The following DLL3 variants were observed in gnomAD, a reference collection of about 807,000 sequenced individuals.
The protein encoded by DLL3 is delta like canonical Notch ligand 3.
Under a neutral mutation model 55.0 loss-of-function variants are expected in DLL3, and 49 were observed. That is an observed-to-expected ratio of 0.89 (90% CI 0.71 to 1.13). The LOEUF is 1.13. Ranked by LOEUF, DLL3 falls within the 50% of genes most tolerant of loss-of-function variation. The pLI, the probability that DLL3 is intolerant of heterozygous loss-of-function variation, is 0.00. For missense variants in DLL3, 962 were observed against 875.5 expected (o/e 1.10, Z -1.25); for synonymous variants, 421 against 385.2 (o/e 1.09, Z -1.09).
chr19:39,499,224 C>T lies in DLL3; in HGVS notation c.102C>T (p.Ile34=). The T allele has an allele frequency of 6.4e-7, 1 of 1,558,834 alleles. No individual in the cohort carries two copies. The highest frequency in any genetic ancestry group is 8.6e-7 in the Non-Finnish European group (1 of 1,157,382). The change falls in exon 2 of 9, where the codon ATC becomes ATT. Residue 34 remains isoleucine, a synonymous_variant. Transcript: ENST00000356433. ...TRPAGVFELQ[I]HSFGPGPGPG... ...CCGCTGGCGTCTTCGAGCTGCAGATCCACTCTTTCGGGCCGGGTCCAGGCC... is the reference window on the plus strand; with the variant it reads ...CCGCTGGCGTCTTCGAGCTGCAGATTCACTCTTTCGGGCCGGGTCCAGGCC...
In DLL3 at chr19:39,499,247, G is replaced by T; in HGVS notation, c.125G>T (p.Gly42Val). 2 of 1,546,098 alleles carry T rather than the reference G, an allele frequency of 1.3e-6. No homozygotes were observed. Among genetic ancestry groups the T allele is most frequent in the Non-Finnish European group, 1.7e-6 (2 of 1,150,556 alleles). ...LQIHSFGPGP[G>V]PGAPRSPCSA... ...ATCCACTCTTTCGGGCCGGGTCCAG[G>T]CCCTGGGGCCCCGCGGTCCCCCTGC... The change falls in exon 2 of 9, where the codon GGC becomes GTC. Residue 42 changes from glycine (G) to valine (V), a missense_variant. Gly to Val is a moderately radical substitution (Grantham distance 109). Transcript: ENST00000356433.
intron 5 of DLL3, 92 bp from the exon 6 acceptor site, chr19:39,505,137 C>A: frequency 7.4e-7 from 1 of 1,353,028 alleles, no homozygotes; most frequent in Non-Finnish European, 1.0e-6. Flanking sequence ...TGAGACTGGA[C>A]AAGGAGCAGC....
chr19:39,501,463 G>A (rs1008778667), intron 3 of DLL3, among the ~76,000 whole-genome samples: 8 of 151,520 alleles, frequency 5.3e-5, no homozygotes, highest in Non-Finnish European at 8.8e-5. Context: ...GGCCCACAGC[G>A]GGGGTTTTGT....
At position 39,502,999 on chromosome 19, in the gene DLL3, G is replaced by A. The variant is rs756151698; in HGVS notation, c.594G>A (p.Ser198=). 53 of 1,483,882 alleles carry A rather than the reference G, an allele frequency of 3.6e-5. No individual in the cohort carries two copies. The highest frequency in any genetic ancestry group is 4.5e-5 in the Non-Finnish European group (51 of 1,125,186). 91.9% of individuals were successfully genotyped at this position (1,483,882 alleles called of 1,614,324 possible). The change falls in exon 4 of 9, where the codon TCG becomes TCA. Residue 198 remains serine, a synonymous_variant. Transcript: ENST00000356433. The part of the protein sequence containing the change: ...TRLCRPRSAP[S]RCGPGLRPCA... Reference sequence around the variant, plus strand: ...TCTGCCGTCCGCGCAGCGCCCCCTCGCGGTGCGGTCCGGGACTGCGCCCCT... The same window carrying A: ...TCTGCCGTCCGCGCAGCGCCCCCTCACGGTGCGGTCCGGGACTGCGCCCCT...
At chr19:39,502,333 G>A (rs1455470396) in intron 3 of DLL3, among the ~76,000 whole-genome samples, 1 of 151,558 alleles carries the variant, frequency 6.6e-6, no homozygotes, top group Non-Finnish European at 1.5e-5. Context: ...GGCCGATCTC[G>A]GCTCACTGCA....
chr19:39,506,211 CAAAAAAAAAA>C (rs541216671), intron 6 of DLL3, among the ~76,000 whole-genome samples: 23 of 54,528 alleles, frequency 4.2e-4, no homozygotes, highest in African/African-American at 1.5e-3. Flanking sequence ...CACTCTGTCT[CAAAAAAAAAA>C]AAAAAAAAAA....
intron 5 of DLL3, among the ~76,000 whole-genome samples, 192 bp downstream of exon 5, chr19:39,504,480 G>A (rs2079629433): frequency 6.6e-6 from 1 of 152,182 alleles, no homozygotes; most frequent in Admixed American, 6.5e-5. Flanking sequence ...TGGGACTGGG[G>A]AGAGCAGGCT....
intron 7 of DLL3, 68 bp downstream of exon 7, chr19:39,507,686 T>C: frequency 6.3e-7 from 1 of 1,587,216 alleles, no homozygotes; most frequent in Non-Finnish European, 8.6e-7. Flanking sequence ...CGTGGTGCAG[T>C]TGGCCCGATT....
rs1320256453 is a variant in DLL3 at position 39,505,339 on chromosome 19, T to G, written c.981T>G (p.Cys327Trp). 6.2e-7 allele frequency: 1 copy of G among 1,614,196 alleles called. No individual in the cohort carries two copies. Among genetic ancestry groups the G allele is most frequent in the Non-Finnish European group, 8.5e-7 (1 of 1,180,022 alleles). ...ADGPCFNGGL[C>W]VGGADPDSAY... Reference sequence around the variant, plus strand: ...GACCCTGCTTCAACGGCGGCTTGTGTGTCGGGGGTGCAGACCCTGACTCTG... The same window carrying G: ...GACCCTGCTTCAACGGCGGCTTGTGGGTCGGGGGTGCAGACCCTGACTCTG... Residue 327 changes from cysteine (C) to tryptophan (W), a missense_variant, in exon 6 of 9, where the codon TGT (cysteine) becomes TGG (tryptophan). Cys to Trp is a radical substitution (Grantham distance 215, BLOSUM62 -2). Transcript: ENST00000356433.
intron 6 of DLL3, 83 bp from the exon 7 acceptor site, chr19:39,506,953 TGCA>T (rs1258520742): frequency 2.1e-5 from 29 of 1,396,828 alleles, no homozygotes; most frequent in Non-Finnish European, 2.6e-5. Flanking sequence ...GGGGACCCCG[TGCA>T]GCGATGACAG....
At chr19:39,504,844 A>T (rs971650017) in intron 5 of DLL3, among the ~76,000 whole-genome samples, 1 of 151,860 alleles carries the variant, frequency 6.6e-6, no homozygotes, top group Non-Finnish European at 1.5e-5. Flanking sequence ...GGGTTCAAAT[A>T]CTTAGGGAGA....
At chr19:39,508,019 G>A (rs2079655558) in intron 8 of DLL3, 105 bp downstream of exon 8, 2 of 1,611,654 alleles carry the variant, frequency 1.2e-6, no homozygotes, top group South Asian at 2.2e-5. Context: ...AATGAATTGG[G>A]TAGAGTCTCT....
chr19:39,507,312 C>T lies in DLL3; in HGVS notation c.1367C>T (p.Ala456Val), dbSNP rs774627246. Residue 456 changes from alanine to valine, a missense_variant, in exon 7 of 9, where the codon GCT (alanine) becomes GTT (valine). Physicochemically the swap from Ala to Val is moderately conservative, Grantham distance 64. Transcript: ENST00000356433. ...AHFSGLVCAC[A>V]PGYMGARCEF... The stretch of plus-strand genomic sequence containing the variant: ...TTCTCCGGCCTCGTCTGCGCTTGCG[C>T]TCCCGGCTACATGGGAGCGCGGTGT... 1.9e-5 allele frequency: 29 copies of T among 1,560,836 alleles called. No homozygotes were observed. The African/African-American group carries it at 3.9e-4, about 21-fold the overall frequency.
intron 4 of DLL3, among the ~76,000 whole-genome samples, chr19:39,503,860 G>A (rs2079624623): frequency 6.6e-6 from 1 of 152,114 alleles, no homozygotes; most frequent in African/African-American, 2.4e-5. Context: ...TTCCTAGGTG[G>A]GCTGGTCACC....
Position 39,505,404 on chromosome 19 carries a change from A to G in DLL3, c.1046A>G (p.Asn349Ser). 1 of 1,614,064 alleles carries G rather than the reference A, an allele frequency of 6.2e-7. No homozygotes were observed. Among genetic ancestry groups the G allele is most frequent in the East Asian group, 2.2e-5 (1 of 44,878 alleles). Residue 349 changes from asparagine (N) to serine (S), a missense_variant, in exon 6 of 9, where the codon AAC (asparagine) becomes AGC (serine). By Grantham distance (46) the Asn-to-Ser change is conservative. Transcript: ENST00000356433. ...TGCCCACCCGGTTTCCAAGGCTCCA[A>G]CTGTGAGAAGAGGGTGGACCGGTGC... ...CHCPPGFQGS[N>S]CEKRVDRCSL...
chr19:39,499,471 C>T lies in DLL3; in HGVS notation c.349C>T (p.Pro117Ser). Residue 117 changes from proline (P) to serine (S), a missense_variant and splice_region_variant, in exon 2 of 9, where the codon CCT (proline) becomes TCT (serine). By Grantham distance (74) the Pro-to-Ser change is moderately conservative. Transcript: ENST00000356433. ...GCAGGTGCCCTTCCGGGACGCCTGG[C>T]CTGTAAGTGCTGCCCCCGGGGGACT... ...LLQVPFRDAW[P>S]GTFSFIIETW... 2 of 1,587,978 alleles carry T rather than the reference C, an allele frequency of 1.3e-6. No homozygotes were observed. Among genetic ancestry groups the T allele is most frequent in the Non-Finnish European group, 1.7e-6 (2 of 1,174,958 alleles).
chr19:39,507,592 G>T lies in DLL3; in HGVS notation c.1647G>T (p.Thr549=), dbSNP rs568745157. Residue 549 remains threonine (T), a synonymous_variant, in exon 7 of 9, where the codon ACG becomes ACT. Transcript: ENST00000356433. The stretch of plus-strand genomic sequence containing the variant: ...CGGATGCACTCAACAACCTAAGGAC[G>T]CAGGAGGGTTCCGGGGATGGTCCGA... The part of the protein sequence containing the change: ...ALPDALNNLR[T]QEGSGDGPSS... 4 of 1,608,906 alleles carry T rather than the reference G, an allele frequency of 2.5e-6. No individual in the cohort carries two copies. Among genetic ancestry groups the T allele is most frequent in the Non-Finnish European group, 3.4e-6 (4 of 1,178,280 alleles).
At position 39,505,260 on chromosome 19, in the gene DLL3, C is replaced by G. The variant is rs781626135; in HGVS notation, c.902C>G (p.Pro301Arg). The change falls in exon 6 of 9, where the codon CCG becomes CGG. Residue 301 changes from proline to arginine, a missense_variant. Coordinates refer to ENST00000356433, the MANE Select transcript of DLL3 (RefSeq NM_203486.3). ...CCCAGGTCCTTTGAATGCACCTGCC[C>G]GCGTGGGTTCTACGGGCTGCGGTGT... ...ETPRSFECTCPRGFYGLRCEV... is the reference protein window; with the variant it reads ...ETPRSFECTCRRGFYGLRCEV... 1 of 1,614,146 alleles carries G rather than the reference C, an allele frequency of 6.2e-7. No individual in the cohort carries two copies. The highest frequency in any genetic ancestry group is 8.5e-7 in the Non-Finnish European group (1 of 1,180,020).
rs1284209014 is a variant in DLL3 at position 39,503,077 on chromosome 19, C to G, written c.652+20C>G. ...CGCCGCGTGAGTCCTGCGTTCGACC[C>G]CACCCCGTCCCAGCCGGGGACCCCG... On this transcript the variant is annotated intron_variant, in intron 4 of 8. Coordinates refer to ENST00000356433, the MANE Select transcript of DLL3 (RefSeq NM_203486.3). 1 of 1,520,264 alleles carries G rather than the reference C, an allele frequency of 6.6e-7. No individual in the cohort carries two copies. Among genetic ancestry groups the G allele is most frequent in the Non-Finnish European group, 8.8e-7 (1 of 1,140,632 alleles). 94.2% of individuals were successfully genotyped at this position (1,520,264 alleles called of 1,614,324 possible). A position where few individuals can be genotyped will look rare whatever the true frequency, so the allele number is the denominator to read the frequency against.
Sources: gnomAD v4.1 joint callset for allele counts (sites outside exome capture counted in the v4.1 genomes callset) on GRCh38, gnomAD v4.1.1 for gene constraint, MANE v1.5 for transcripts, NCBI Gene and HGNC (gene_info 2026-07-23, HGNC 2026-07-21) for gene names.